Variants in MYOCD observed in about 807,000 individuals in gnomAD.
MYOCD encodes the protein myocardin.
In MYOCD, 32 loss-of-function variants were observed where a neutral mutation model predicts 96.1. The observed-to-expected ratio is 0.33, with a 90% CI of 0.25 to 0.45. The LOEUF (loss-of-function observed/expected upper bound fraction) is 0.45. Ranked by LOEUF, MYOCD falls within the 20% of genes least tolerant of loss-of-function variation. MYOCD has a pLI of 1.00. For missense variants in MYOCD, 1,133 were observed against 1,200.6 expected (o/e 0.94, Z 0.83); for synonymous variants, 469 against 469.0 (o/e 1.00, Z 0.00).
At chr17:12,715,974 A>T (rs527257118) in intron 3 of MYOCD, among the ~76,000 whole-genome samples, 2 of 152,342 alleles carry the variant, frequency 1.3e-5, no homozygotes, top group African/African-American at 4.8e-5. Flanking sequence ...TGGTTTATGC[A>T]TACAGAACTC....
rs189251460 is a variant in MYOCD at position 12,727,054 on chromosome 17, T to C, written c.415+4046T>C. 1.2e-4 allele frequency among the ~76,000 whole-genome samples: 19 copies of C among 152,288 alleles called. No homozygotes were observed. In the East Asian group the frequency reaches 3.3e-3, roughly 26 times the overall value. ...TGTTCTAAGTTTCTCTGAAGAATCA[T>C]GAGCGCCCAGTGGAGGAAGGTAGTT... On this transcript the variant is annotated intron_variant, in intron 5 of 13. Transcript: ENST00000425538.
intron 5 of MYOCD, among the ~76,000 whole-genome samples, chr17:12,734,463 C>A (rs889318477): frequency 2.6e-5 from 4 of 151,222 alleles, no homozygotes; most frequent in African/African-American, 9.7e-5. Flanking sequence ...CACCCACCCA[C>A]CTACTGCATG....
At chr17:12,672,625 C>T (rs1336225531) in intron 1 of MYOCD, among the ~76,000 whole-genome samples, 1 of 152,138 alleles carries the variant, frequency 6.6e-6, no homozygotes, top group East Asian at 1.9e-4. Context: ...AGAATAATGT[C>T]TTTCTTTTCT....
intron 2 of MYOCD, among the ~76,000 whole-genome samples, chr17:12,714,323 GCACACACA>G (rs4054959): frequency 1.6e-4 from 22 of 136,048 alleles, no homozygotes; most frequent in South Asian, 1.3e-3. Context: ...TGAGGCACGT[GCACACACA>G]CACACACACA....
At position 12,761,424 on chromosome 17, in the gene MYOCD, T is replaced by G. The variant is rs1343323164; in HGVS notation, c.2389+717T>G. The stretch of plus-strand genomic sequence containing the variant: ...TCCGTGCTATGATCAGACAAGATCC[T>G]GATTCCTATGGAGTTTACAGTCTGG... On this transcript the variant is annotated intron_variant, in intron 13 of 13. Transcript: ENST00000425538. 2.6e-5 allele frequency: 4 copies of G among 152,114 alleles called. No homozygotes were observed. The East Asian group carries it at 7.7e-4, about 29-fold the overall frequency. 9.4% of individuals were successfully genotyped at this position (152,114 alleles called of 1,614,324 possible).
At chr17:12,728,220 C>G (rs1390086243) in intron 5 of MYOCD, among the ~76,000 whole-genome samples, 5 of 152,164 alleles carry the variant, frequency 3.3e-5, no homozygotes, top group Admixed American at 3.3e-4. Flanking sequence ...TACAGGCTTA[C>G]TTCTAGCTTG....
At chr17:12,690,842 A>G (rs1225432928) in intron 1 of MYOCD, among the ~76,000 whole-genome samples, 1 of 152,216 alleles carries the variant, frequency 6.6e-6, no homozygotes, top group Non-Finnish European at 1.5e-5. Context: ...ATTAATATTG[A>G]GACTGAGATC....
At chr17:12,717,218 C>G (rs2031673691) in intron 3 of MYOCD, 128 bp from the exon 4 acceptor site, 2 of 674,274 alleles carry the variant, frequency 3.0e-6, no homozygotes. Flanking sequence ...GTTCCTTCAT[C>G]AAAATGTGGG....
chr17:12,727,044 T>C (rs1209849089), intron 5 of MYOCD, among the ~76,000 whole-genome samples: 5 of 152,182 alleles, frequency 3.3e-5, no homozygotes, highest in African/African-American at 7.2e-5. Context: ...TAAGTTTCTC[T>C]GAAGAATCAT....
At chr17:12,733,885 A>AGAG (rs57623484) in intron 5 of MYOCD, among the ~76,000 whole-genome samples, 1 of 139,794 alleles carries the variant, frequency 7.2e-6, no homozygotes, top group Non-Finnish European at 1.5e-5. Flanking sequence ...AAAAAAGAAA[A>AGAG]AAAGAAAGAA....
At chr17:12,756,334 C>A in intron 10 of MYOCD, 80 bp from the exon 11 acceptor site, 2 of 1,472,864 alleles carry the variant, frequency 1.4e-6, no homozygotes, top group Non-Finnish European at 1.9e-6. Flanking sequence ...GGACACAGGG[C>A]AGGAACCAGA....
chr17:12,692,201 C>T (rs543026190), intron 1 of MYOCD, among the ~76,000 whole-genome samples: 1 of 152,346 alleles, frequency 6.6e-6, no homozygotes, highest in East Asian at 1.9e-4. Flanking sequence ...GACCATCACT[C>T]CTGGGCACAG....
intron 1 of MYOCD, among the ~76,000 whole-genome samples, chr17:12,686,554 A>T (rs10491102): frequency 0.11 from 16,168 of 152,190 alleles, 1,002 homozygotes; most frequent in Admixed American, 0.13. Flanking sequence ...ACTGTACAAC[A>T]CTCAAGTTAT....
intron 1 of MYOCD, among the ~76,000 whole-genome samples, chr17:12,702,498 G>A (rs555383842): frequency 1.3e-5 from 2 of 151,930 alleles, no homozygotes; most frequent in African/African-American, 4.8e-5. Flanking sequence ...AATTCTTTCT[G>A]ATACACTCTG....
chr17:12,738,606 G>A lies in MYOCD; in HGVS notation c.592-597G>A, dbSNP rs531389465. ...CACATGCTCATAAGCACGCATGCAC[G>A]TACACACATACATGCACATATAAAC... is the stretch of plus-strand genomic sequence containing the variant. On this transcript the variant is annotated intron_variant, in intron 6 of 13. Transcript: ENST00000425538. Among the ~76,000 whole-genome samples the A allele has an allele frequency of 1.6e-4, 24 of 151,514 alleles. 1 individual carries two copies. The South Asian group carries it at 3.3e-3, about 21-fold the overall frequency.
intron 1 of MYOCD, among the ~76,000 whole-genome samples, chr17:12,687,869 A>G (rs992612894): frequency 1.3e-5 from 2 of 152,308 alleles, no homozygotes; most frequent in African/African-American, 4.8e-5. Context: ...GAATAATACG[A>G]TGGTGTTAAG....
chr17:12,760,682 C>T lies in MYOCD; in HGVS notation c.2364C>T (p.Leu788=). 1 of 1,614,038 alleles carries T rather than the reference C, an allele frequency of 6.2e-7. No individual in the cohort carries two copies. Among genetic ancestry groups the T allele is most frequent in the Non-Finnish European group, 8.5e-7 (1 of 1,179,964 alleles). Reference sequence around the variant, plus strand: ...CCCGGAGTCAGCAGATGGATGAACTCCTGGACGTGCTTATTGAAAGCGGAG... The same window carrying T: ...CCCGGAGTCAGCAGATGGATGAACTTCTGGACGTGCTTATTGAAAGCGGAG... ...QMTRSQQMDE[L]LDVLIESGEM... Residue 788 remains leucine, a synonymous_variant, in exon 13 of 14, where the codon CTC becomes CTT. Transcript: ENST00000425538.
At chr17:12,749,727 G>A (rs966509573) in intron 9 of MYOCD, among the ~76,000 whole-genome samples, 1 of 133,656 alleles carries the variant, frequency 7.5e-6, no homozygotes, top group East Asian at 2.6e-4. Flanking sequence ...ATGTGTGTGT[G>A]TATATATATA....
chr17:12,676,873 A>G (rs1910093254), intron 1 of MYOCD, among the ~76,000 whole-genome samples: 1 of 152,184 alleles, frequency 6.6e-6, no homozygotes, highest in Non-Finnish European at 1.5e-5. Flanking sequence ...CATGCTTTTA[A>G]GCTCTCAACC....
Sources: allele counts gnomAD v4.1 joint callset (sites outside exome capture counted in the v4.1 genomes callset), GRCh38; gene constraint gnomAD v4.1.1; transcripts MANE v1.5; gene names NCBI Gene and HGNC (gene_info 2026-07-23, HGNC 2026-07-21).